MACROH2A1: variants seen among roughly 807,000 people sequenced by gnomAD.
The protein encoded by MACROH2A1 is macroH2A.1 histone.
A neutral mutation model predicts 31.6 loss-of-function variants in MACROH2A1; 2 were observed. The observed-to-expected ratio is 0.06, with a 90% CI of 0.03 to 0.20. The LOEUF is 0.20. MACROH2A1 is among the 10% of genes least tolerant of loss of function. The pLI is 1.00. For synonymous variants in MACROH2A1, 169 were observed against 189.6 expected (o/e 0.89, Z 0.89); for missense variants, 230 against 474.0 (o/e 0.49, Z 4.78).
At chr5:135,351,069 A>G (rs1378109443) in intron 6 of MACROH2A1, 3 of 555,790 alleles carry the variant, frequency 5.4e-6, no homozygotes, top group East Asian at 2.9e-5. Flanking sequence ...GCACATGTGG[A>G]TGGGGGTGAG....
chr5:135,384,632 T>C (rs560140658), intron 2 of MACROH2A1, among the ~76,000 whole-genome samples: 4 of 152,158 alleles, frequency 2.6e-5, no homozygotes, highest in Non-Finnish European at 5.9e-5. Context: ...CTCTGGTCAT[T>C]GACAAGAGAC....
intron 5 of MACROH2A1, chr5:135,357,731 C>T (rs564584826): frequency 1.0e-6 from 1 of 984,962 alleles, no homozygotes; most frequent in African/African-American, 1.7e-5. Flanking sequence ...CTCAGATTCA[C>T]AGCACTGATT....
In MACROH2A1 at chr5:135,398,253, C is replaced by A. The variant is rs183793075; in HGVS notation, c.-34+809G>T. Among the ~76,000 whole-genome samples the A allele has an allele frequency of 7.9e-4, 120 of 152,256 alleles. No individual in the cohort carries two copies. Among genetic ancestry groups the A allele is most frequent in the African/African-American group, 2.7e-3 (114 of 41,542 alleles). On this transcript the variant is annotated intron_variant, in intron 1 of 8. Transcript: ENST00000511689. The surrounding 1 kb of genome is among the most constrained non-coding windows in gnomAD (Gnocchi z 4.6). ...ACCTGTTGTCAGGTGACACTGCCAGCAGCATCCTGCACACTCACCTCCCCA... is the reference window on the plus strand; with the variant it reads ...ACCTGTTGTCAGGTGACACTGCCAGAAGCATCCTGCACACTCACCTCCCCA...
rs1363439641 is a variant in MACROH2A1, at chr5:135,335,613, G to A, written c.954-472C>T. On this transcript the variant is annotated intron_variant, in intron 8 of 8. Transcript: ENST00000511689. ...TTACCCCTTCACACCAGGGGCCACCGCCCAGGAATCCACCCTCTAACACAC... is the reference window on the plus strand; with the variant it reads ...TTACCCCTTCACACCAGGGGCCACCACCCAGGAATCCACCCTCTAACACAC... Among the ~76,000 whole-genome samples the A allele has an allele frequency of 4.6e-5, 7 of 152,068 alleles. No individual in the cohort carries two copies. The South Asian group carries it at 1.0e-3, about 22-fold the overall frequency.
At chr5:135,336,566 C>T (rs888112547) in intron 8 of MACROH2A1, among the ~76,000 whole-genome samples, 2 of 152,182 alleles carry the variant, frequency 1.3e-5, no homozygotes, top group Non-Finnish European at 2.9e-5. Flanking sequence ...GGGGTCAGAG[C>T]TCCAGAGCCG....
chr5:135,370,698 AGT>A (rs200268628), intron 2 of MACROH2A1, among the ~76,000 whole-genome samples: 4 of 152,080 alleles, frequency 2.6e-5, no homozygotes, highest in East Asian at 1.9e-4. Context: ...CATTTTTTAA[AGT>A]GTGTGTGTGT....
chr5:135,394,129 T>C (rs7711028), intron 1 of MACROH2A1, among the ~76,000 whole-genome samples: 5,102 of 152,266 alleles, frequency 0.034, 307 homozygotes, highest in African/African-American at 0.12. Context: ...CAAAGTGCCA[T>C]GGAGGCCCTG....
chr5:135,335,398 C>T (rs1364708433), intron 8 of MACROH2A1, among the ~76,000 whole-genome samples: 4 of 152,238 alleles, frequency 2.6e-5, no homozygotes, highest in Non-Finnish European at 4.4e-5. Flanking sequence ...CAGTAGCCAG[C>T]AAACAGAATA....
chr5:135,343,564 T>C, intron 7 of MACROH2A1, 130 bp from the exon 8 acceptor site: 1 of 1,376,178 alleles, frequency 7.3e-7, no homozygotes, highest in South Asian at 1.4e-5. Context: ...GTCCGAGGAG[T>C]TCCACAGCTG....
At chr5:135,338,416 T>A (rs1759175440) in intron 8 of MACROH2A1, among the ~76,000 whole-genome samples, 1 of 152,226 alleles carries the variant, frequency 6.6e-6, no homozygotes, top group Non-Finnish European at 1.5e-5. Context: ...AGGAGCTGTC[T>A]ATAAAGTAGG....
At chr5:135,385,633 C>T (rs1294517675) in intron 2 of MACROH2A1, among the ~76,000 whole-genome samples, 1 of 152,126 alleles carries the variant, frequency 6.6e-6, no homozygotes, top group East Asian at 1.9e-4. Context: ...GCTGGCCTGG[C>T]ACCCAGCAGG....
At chr5:135,396,071 G>A (rs989299480) in intron 1 of MACROH2A1, among the ~76,000 whole-genome samples, 1 of 152,162 alleles carries the variant, frequency 6.6e-6, no homozygotes, top group Non-Finnish European at 1.5e-5. Flanking sequence ...AAACCCATTC[G>A]GTGATGCGCT....
Position 135,346,047 on chromosome 5 carries a change from C to T in MACROH2A1, c.699G>A (p.Leu233=). The change falls in exon 7 of 9, where the codon CTG becomes CTA. Residue 233 remains leucine, a synonymous_variant. Transcript: ENST00000511689. ...IDLKDDLGNT[L]EKKGGKEFVE... ...CAAACTCCTTGCCACCTTTCTTCTC[C>T]AGCGTGTTTCCTAGACAAGGACAGG... 1 of 1,613,032 alleles carries T rather than the reference C, an allele frequency of 6.2e-7. No individual in the cohort carries two copies. The highest frequency in any genetic ancestry group is 8.5e-7 in the Non-Finnish European group (1 of 1,178,992).
chr5:135,370,716 G>T (rs1328451659), intron 2 of MACROH2A1, among the ~76,000 whole-genome samples: 1 of 152,194 alleles, frequency 6.6e-6, no homozygotes, highest in Non-Finnish European at 1.5e-5. Flanking sequence ...TGTGTGGGGG[G>T]AGGTTGTTGT....
intron 5 of MACROH2A1, chr5:135,354,491 G>A (rs1157987626): frequency 6.5e-6 from 1 of 153,440 alleles, no homozygotes; most frequent in African/African-American, 2.4e-5. Flanking sequence ...AGAGGACCAA[G>A]TATTATTCAT....
At position 135,352,975 on chromosome 5, in the gene MACROH2A1, T is replaced by C; in HGVS notation, c.659A>G (p.Asn220Ser). 6.3e-7 allele frequency: 1 copy of C among 1,594,092 alleles called. No individual in the cohort carries two copies. The highest frequency in any genetic ancestry group is 8.6e-7 in the Non-Finnish European group (1 of 1,161,726). The change falls in exon 6 of 9, where the codon AAT (asparagine) becomes AGT (serine). Residue 220 changes from asparagine (N) to serine (S), a missense_variant. Coordinates refer to ENST00000511689, the MANE Select transcript of MACROH2A1 (RefSeq NM_138610.3). ...FEVEAIINPT[N>S]ADIDLKDDLG... ...GTCATCTTTAAGGTCAATGTCAGCA[T>C]TGGTAGGATTGATTATGGCCTCCAC... is the stretch of plus-strand genomic sequence containing the variant.
chr5:135,340,370 G>T (rs1759610077), intron 8 of MACROH2A1, among the ~76,000 whole-genome samples: 1 of 152,254 alleles, frequency 6.6e-6, no homozygotes, highest in East Asian at 1.9e-4. Flanking sequence ...ATAGTAGCTT[G>T]AAAAAAATAA....
At chr5:135,354,285 CT>C (rs904211933) in intron 5 of MACROH2A1, 5 of 152,236 alleles carry the variant, frequency 3.3e-5, no homozygotes, top group Non-Finnish European at 5.9e-5. Flanking sequence ...ACCAAACAAC[CT>C]GGCACTCCAG....
At chr5:135,397,242 G>A (rs569136180) in intron 1 of MACROH2A1, among the ~76,000 whole-genome samples, 1 of 152,270 alleles carries the variant, frequency 6.6e-6, no homozygotes, top group Admixed American at 6.5e-5. Flanking sequence ...CTTCTCAGTG[G>A]GGAAGGAATG....
Sources: gnomAD v4.1 joint callset for allele counts (sites outside exome capture counted in the v4.1 genomes callset) on GRCh38, gnomAD v4.1.1 for gene constraint, Gnocchi (gnomAD v3.1) non-coding constraint, MANE v1.5 for transcripts, NCBI Gene and HGNC (gene_info 2026-07-23, HGNC 2026-07-21) for gene names.